The following CAMTA1 variants were observed in gnomAD, a reference collection of about 807,000 sequenced individuals.
The protein encoded by CAMTA1 is calmodulin-binding transcription activator 1.
A neutral mutation model predicts 170.9 loss-of-function variants in CAMTA1; 27 were observed. The ratio of observed to expected loss-of-function variants is 0.16; its 90% CI spans 0.12 to 0.22. The LOEUF (loss-of-function observed/expected upper bound fraction) is 0.22, where lower values mean the gene tolerates loss of function less well. CAMTA1 is among the 10% of genes least tolerant of loss of function. The pLI is 1.00. For synonymous variants in CAMTA1, 833 were observed against 891.5 expected, an observed-to-expected ratio of 0.93 and a Z score of 1.17; for missense variants, 1,619 against 2,217.2, an observed-to-expected ratio of 0.73 and a Z score of 5.42.
intron 4 of CAMTA1, among the ~76,000 whole-genome samples, chr1:7,225,819 T>C (rs969423651): frequency 2.6e-5 from 4 of 152,210 alleles, no homozygotes; most frequent in African/African-American, 9.6e-5. Flanking sequence ...TGCAGGAAGA[T>C]GGTGAGTGAC....
intron 6 of CAMTA1, among the ~76,000 whole-genome samples, chr1:7,484,266 C>T (rs2093585023): frequency 6.6e-6 from 1 of 152,150 alleles, no homozygotes; most frequent in South Asian, 2.1e-4. Flanking sequence ...AGGCTGGCCC[C>T]CAGTCCCAGG....
At chr1:7,088,991 G>A (rs1222233957) in intron 3 of CAMTA1, among the ~76,000 whole-genome samples, 3 of 152,240 alleles carry the variant, frequency 2.0e-5, no homozygotes, top group Admixed American at 6.5e-5. Flanking sequence ...GCGTGGGCAC[G>A]TGGTGCTGTC....
At chr1:7,068,437 C>T (rs910087400) in intron 3 of CAMTA1, among the ~76,000 whole-genome samples, 5 of 151,894 alleles carry the variant, frequency 3.3e-5, no homozygotes, top group Non-Finnish European at 7.4e-5. Context: ...TGACTACCCA[C>T]GGGCTTCTGA....
At chr1:7,282,501 C>T (rs768562595) in intron 5 of CAMTA1, among the ~76,000 whole-genome samples, 1 of 152,150 alleles carries the variant, frequency 6.6e-6, no homozygotes, top group Non-Finnish European at 1.5e-5. Flanking sequence ...TTCATCTCAG[C>T]TGAATTTCTG....
chr1:7,695,698 A>T (rs1242360375), intron 11 of CAMTA1, among the ~76,000 whole-genome samples: 1 of 152,116 alleles, frequency 6.6e-6, no homozygotes, highest in Non-Finnish European at 1.5e-5. Flanking sequence ...CACAGTGACA[A>T]AGTGACCCAG....
At chr1:7,323,518 T>C (rs1260998261) in intron 5 of CAMTA1, among the ~76,000 whole-genome samples, 7 of 146,232 alleles carry the variant, frequency 4.8e-5, no homozygotes, top group Admixed American at 3.4e-4. Flanking sequence ...TTTTTTTTTT[T>C]TTTTTTTTTT....
chr1:7,574,659 G>A lies in CAMTA1; in HGVS notation c.511-65741G>A, dbSNP rs149447578. 3.9e-3 allele frequency among the ~76,000 whole-genome samples: 601 copies of A among 152,246 alleles called. 5 individuals carry two copies. Among genetic ancestry groups the A allele is most frequent in the African/African-American group, 0.014 (579 of 41,550 alleles). ...CTCTCGACGCGATGCAGAGAGGTCC[G>A]CCTGGCCAGCTCTGTCCCGTGCCAA... is the stretch of plus-strand genomic sequence containing the variant. On this transcript the variant is annotated intron_variant, in intron 6 of 22. Coordinates refer to ENST00000303635, the MANE Select transcript of CAMTA1 (RefSeq NM_015215.4).
At chr1:6,802,011 G>T (rs1643904216) in intron 1 of CAMTA1, among the ~76,000 whole-genome samples, 1 of 152,176 alleles carries the variant, frequency 6.6e-6, no homozygotes, top group Admixed American at 6.5e-5. Context: ...TAAGCAGGCC[G>T]TGCTTTAGAT....
chr1:7,597,362 C>T (rs892955251), intron 6 of CAMTA1, among the ~76,000 whole-genome samples: 14 of 152,250 alleles, frequency 9.2e-5, no homozygotes, highest in African/African-American at 2.4e-4. Flanking sequence ...TGATAAGTAG[C>T]GGGAGCACTG....
intron 3 of CAMTA1, among the ~76,000 whole-genome samples, chr1:7,047,654 G>A (rs11580005): frequency 0.16 from 24,767 of 151,648 alleles, 2,440 homozygotes; most frequent in Non-Finnish European, 0.23. Context: ...TGCATGTCTC[G>A]AAGCTCTTTG....
intron 7 of CAMTA1, among the ~76,000 whole-genome samples, chr1:7,655,223 TAC>T (rs148424846): frequency 0.7 from 95,040 of 134,964 alleles, 32,895 homozygotes; most frequent in East Asian, 0.92. Context: ...CACCCATCTA[TAC>T]ACACACACAC....
chr1:7,689,402 T>G (rs561539639), intron 11 of CAMTA1, among the ~76,000 whole-genome samples: 115 of 142,118 alleles, frequency 8.1e-4, no homozygotes, highest in African/African-American at 2.9e-3. Flanking sequence ...GATGAAACCC[T>G]GTCTTGACAA....
At chr1:6,863,440 G>A (rs923573754) in intron 3 of CAMTA1, among the ~76,000 whole-genome samples, 3 of 152,074 alleles carry the variant, frequency 2.0e-5, no homozygotes, top group African/African-American at 7.2e-5. Context: ...GTTTCATGAG[G>A]TCAGAGCTCT....
chr1:7,101,084 G>A (rs1206005655), intron 4 of CAMTA1, among the ~76,000 whole-genome samples: 1 of 152,144 alleles, frequency 6.6e-6, no homozygotes, highest in Non-Finnish European at 1.5e-5. Context: ...CACACTGATC[G>A]ATAAGTATTT....
intron 5 of CAMTA1, among the ~76,000 whole-genome samples, chr1:7,451,241 T>C (rs1300269210): frequency 3.9e-5 from 6 of 152,186 alleles, no homozygotes. Flanking sequence ...GCTGGGGAGC[T>C]GCTCAGAACC....
intron 5 of CAMTA1, among the ~76,000 whole-genome samples, chr1:7,329,141 G>A (rs968202844): frequency 2.0e-5 from 3 of 151,700 alleles, no homozygotes; most frequent in African/African-American, 4.8e-5. Flanking sequence ...TCACTTTACT[G>A]TAGGTCATAG....
intron 5 of CAMTA1, among the ~76,000 whole-genome samples, chr1:7,267,552 G>A (rs745484552): frequency 2.0e-5 from 3 of 152,176 alleles, no homozygotes; most frequent in Non-Finnish European, 4.4e-5. Context: ...TGTGCCAGAT[G>A]CCTGTGACAT....
chr1:7,489,065 C>T (rs1323723959), intron 6 of CAMTA1, among the ~76,000 whole-genome samples: 1 of 152,230 alleles, frequency 6.6e-6, no homozygotes, highest in African/African-American at 2.4e-5. Flanking sequence ...TCTGAGCTCT[C>T]CCCACCTCAG....
At chr1:6,955,121 T>C (rs1689222753) in intron 3 of CAMTA1, among the ~76,000 whole-genome samples, 1 of 150,900 alleles carries the variant, frequency 6.6e-6, no homozygotes, top group Non-Finnish European at 1.5e-5. Flanking sequence ...GACCTTTCCC[T>C]AATCAGTTCC....
Sources: gnomAD v4.1 joint callset for allele counts (sites outside exome capture counted in the v4.1 genomes callset) on GRCh38, gnomAD v4.1.1 for gene constraint, MANE v1.5 for transcripts, NCBI Gene and HGNC (gene_info 2026-07-23, HGNC 2026-07-21) for gene names.